INTS6L: variants seen among roughly 807,000 people sequenced by gnomAD.
INTS6L encodes the protein integrator complex subunit 6-like.
A neutral mutation model predicts 64.7 loss-of-function variants in INTS6L; 18 were observed. The ratio of observed to expected loss-of-function variants is 0.28; its 90% CI spans 0.19 to 0.41. The LOEUF (loss-of-function observed/expected upper bound fraction) is 0.41, where lower values mean the gene tolerates loss of function less well. Ranked by LOEUF, INTS6L falls within the 10% of genes least tolerant of loss-of-function variation. The pLI, the probability that INTS6L is intolerant of heterozygous loss-of-function variation, is 1.00. For missense variants in INTS6L, 533 were observed against 661.0 expected, an observed-to-expected ratio of 0.81 and a Z score of 2.12; for synonymous variants, 227 against 235.9, an observed-to-expected ratio of 0.96 and a Z score of 0.34.
intron 9 of INTS6L, among the ~76,000 whole-genome samples, chrX:135,559,136 A>G (rs918928771): frequency 8.9e-6 from 1 of 112,083 alleles, no homozygotes; most frequent in Admixed American, 9.4e-5. Flanking sequence ...GAAATATCCT[A>G]TGTACTCTTT....
intron 8 of INTS6L, among the ~76,000 whole-genome samples, chrX:135,554,417 A>G (rs1369898579): frequency 2.7e-5 from 3 of 111,821 alleles, no homozygotes; most frequent in African/African-American, 9.8e-5. Flanking sequence ...TTATCATTCA[A>G]ATTATGACAC....
intron 7 of INTS6L, among the ~76,000 whole-genome samples, chrX:135,550,899 C>A (rs893480008): frequency 8.9e-6 from 1 of 111,795 alleles, no homozygotes; most frequent in Non-Finnish European, 1.9e-5. Flanking sequence ...AGTCTTCATT[C>A]ATGTCTTTAT....
At chrX:135,547,301 T>C (rs782412212) in intron 6 of INTS6L, 36 bp downstream of exon 6, 4 of 1,158,432 alleles carry the variant, frequency 3.5e-6, no homozygotes, top group African/African-American at 3.6e-5. Context: ...TAAAGTGTTA[T>C]ATAGGAGAAT....
intron 14 of INTS6L, among the ~76,000 whole-genome samples, chrX:135,576,102 A>C (rs1476154873): frequency 1.8e-5 from 2 of 111,393 alleles, no homozygotes; most frequent in Non-Finnish European, 3.8e-5. Context: ...CGAGGCAGGC[A>C]AATCACTTGA....
Position 135,577,063 on chromosome X carries a change from A to G in INTS6L, c.1885-130A>G, listed in dbSNP as rs188617028. The G allele has an allele frequency of 1.4e-5, 9 of 647,045 alleles. No homozygotes were observed. The East Asian group carries it at 2.3e-4, about 17-fold the overall frequency. 53.3% of individuals were successfully genotyped at this position (647,045 alleles called of 1,213,427 possible). The stretch of plus-strand genomic sequence containing the variant: ...TTAATCTGGCATGGGATTTAAAAAA[A>G]TGAAAGAAAAAAAGACATATTCGTG... On this transcript the variant is annotated intron_variant, in intron 14 of 17. Coordinates refer to ENST00000639893, the MANE Select transcript of INTS6L (RefSeq NM_001351601.3).
intron 15 of INTS6L, among the ~76,000 whole-genome samples, chrX:135,578,920 C>T (rs1157699841): frequency 9.0e-6 from 1 of 111,463 alleles, no homozygotes; most frequent in African/African-American, 3.3e-5. Context: ...CCTCAACTCT[C>T]CTGAGCACTC....
intron 12 of INTS6L, among the ~76,000 whole-genome samples, 189 bp downstream of exon 12, chrX:135,573,222 C>T (rs1047367306): frequency 2.7e-5 from 3 of 112,238 alleles, no homozygotes; most frequent in East Asian, 5.6e-4. Context: ...TTGTGGGTAA[C>T]GCCCATGAAA....
chrX:135,579,273 A>G (rs2087311405), intron 15 of INTS6L, among the ~76,000 whole-genome samples: 1 of 112,061 alleles, frequency 8.9e-6, no homozygotes, highest in African/African-American at 3.2e-5. Flanking sequence ...CACAGAAAAG[A>G]AGGATTAGGA....
intron 9 of INTS6L, among the ~76,000 whole-genome samples, chrX:135,558,791 T>C (rs2086707514): frequency 9.4e-6 from 1 of 105,861 alleles, no homozygotes; most frequent in African/African-American, 3.5e-5. Flanking sequence ...TTTTTTCTTT[T>C]TTTTTTTTTT....
intron 8 of INTS6L, among the ~76,000 whole-genome samples, chrX:135,553,064 G>A (rs2086544189): frequency 2.7e-5 from 3 of 112,291 alleles, no homozygotes; most frequent in Middle Eastern, 4.2e-3. Flanking sequence ...ATTAAAGCAA[G>A]AATGTAAAAG....
chrX:135,575,611 T>A (rs1410290579), intron 14 of INTS6L, among the ~76,000 whole-genome samples: 1 of 112,662 alleles, frequency 8.9e-6, no homozygotes, highest in Non-Finnish European at 1.9e-5. Context: ...AGAATCTATA[T>A]TCATTCCACC....
Position 135,581,897 on chromosome X carries a change from TAAAC to T in INTS6L, c.*263_*266del, listed in dbSNP as rs200370074. 7,171 of 270,812 alleles carry T rather than the reference TAAAC, an allele frequency of 0.026. 112 individuals carry two copies. Among genetic ancestry groups the T allele is most frequent in the Non-Finnish European group, 0.036 (5,583 of 155,026 alleles). 22.3% of individuals were successfully genotyped at this position (270,812 alleles called of 1,213,427 possible). ...TTATTAATTCACAGGCTAAATTCGG[TAAAC>T]ACCACTGCCCCTACCACGGGTAATG... On this transcript the variant is annotated 3_prime_UTR_variant, in exon 18 of 18. Coordinates refer to ENST00000639893, the MANE Select transcript of INTS6L (RefSeq NM_001351601.3).
chrX:135,559,924 T>A (rs1394486462), intron 9 of INTS6L, among the ~76,000 whole-genome samples: 2 of 112,274 alleles, frequency 1.8e-5, no homozygotes, highest in Non-Finnish European at 3.8e-5. Context: ...TGTGCTGATG[T>A]GATGATGTGC....
intron 9 of INTS6L, 113 bp downstream of exon 9, chrX:135,556,413 T>C: frequency 8.4e-6 from 6 of 710,798 alleles, no homozygotes; most frequent in South Asian, 4.9e-5. Flanking sequence ...TTTGAAAGGA[T>C]AGAATTTGCA....
chrX:135,533,389 ATTAT>A (rs1453007352), intron 2 of INTS6L, among the ~76,000 whole-genome samples: 7 of 112,096 alleles, frequency 6.2e-5, no homozygotes, highest in African/African-American at 1.9e-4. Context: ...TTTTTTTGAA[ATTAT>A]TTATTTTCAT....
chrX:135,569,227 C>T, intron 9 of INTS6L, 110 bp from the exon 10 acceptor site: 1 of 385,706 alleles, frequency 2.6e-6, no homozygotes, highest in Non-Finnish European at 4.3e-6. Context: ...AAATAAACGC[C>T]AATGAAATTT....
intron 2 of INTS6L, among the ~76,000 whole-genome samples, chrX:135,543,730 C>G (rs963864185): frequency 8.9e-6 from 1 of 112,356 alleles, no homozygotes; most frequent in Non-Finnish European, 1.9e-5. Flanking sequence ...ATCTAATTTC[C>G]TAATTCAGTG....
intron 2 of INTS6L, among the ~76,000 whole-genome samples, chrX:135,522,717 C>G (rs2085618932): frequency 8.9e-6 from 1 of 111,743 alleles, no homozygotes; most frequent in Non-Finnish European, 1.9e-5. Context: ...ATAAGGAAAC[C>G]AAAGAGAAAC....
intron 2 of INTS6L, among the ~76,000 whole-genome samples, chrX:135,529,956 A>G (rs2085859988): frequency 8.9e-6 from 1 of 111,880 alleles, no homozygotes; most frequent in Non-Finnish European, 1.9e-5. Context: ...AGGTTAAGTA[A>G]CACAGCCAGT....
Sources: allele counts gnomAD v4.1 joint callset (sites outside exome capture counted in the v4.1 genomes callset), GRCh38; gene constraint gnomAD v4.1.1; transcripts MANE v1.5; gene names NCBI Gene and HGNC (gene_info 2026-07-23, HGNC 2026-07-21).